Variants in SHISA9 observed in about 807,000 individuals in gnomAD.
SHISA9 encodes protein shisa-9.
SHISA9 carries 13 observed loss-of-function variants against 38.0 expected under a neutral mutation model. The ratio of observed to expected loss-of-function variants is 0.34; its 90% confidence interval spans 0.22 to 0.54. The LOEUF is 0.54. Ranked by LOEUF, SHISA9 falls within the 20% of genes least tolerant of loss-of-function variation. The pLI is 0.91. For missense variants in SHISA9, 538 were observed against 575.8 expected (o/e 0.93, Z 0.67); for synonymous variants, 275 against 242.0 (o/e 1.14, Z -1.27).
chr16:13,273,169 A>C, the SHISA9 span, among the ~76,000 whole-genome samples: 1 of 152,134 alleles, frequency 6.6e-6, no homozygotes, highest in African/African-American at 2.4e-5. Flanking sequence ...TTAAGGACCC[A>C]GTTTTCAACT....
intron 2 of SHISA9, among the ~76,000 whole-genome samples, chr16:13,048,552 G>A (rs1347441520): frequency 6.6e-6 from 1 of 152,128 alleles, no homozygotes; most frequent in African/African-American, 2.4e-5. Context: ...CTCCTGAGTA[G>A]CTGGGATTAT....
chr16:13,114,900 C>CTCCATCCATCCA (rs3075115), intron 2 of SHISA9, among the ~76,000 whole-genome samples: 3,057 of 149,768 alleles, frequency 0.02, 41 homozygotes, highest in East Asian at 0.035. Context: ...TTACATCTAA[C>CTCCATCCATCCA]TCCATCCATC....
chr16:13,375,758 G>A, the SHISA9 span, among the ~76,000 whole-genome samples: 5 of 152,160 alleles, frequency 3.3e-5, no homozygotes, highest in Admixed American at 6.5e-5. Context: ...ATCACTGAAA[G>A]CAACTAAAGA....
At chr16:13,187,979 C>T (rs773425267) in intron 2 of SHISA9, among the ~76,000 whole-genome samples, 4 of 152,138 alleles carry the variant, frequency 2.6e-5, no homozygotes, top group African/African-American at 4.8e-5. Context: ...CTGTAGATCA[C>T]GTTTCATCCT....
chr16:13,329,963 T>C, the SHISA9 span, among the ~76,000 whole-genome samples: 3,152 of 152,332 alleles, frequency 0.021, 89 homozygotes, highest in African/African-American at 0.072. Context: ...GCATTAATTA[T>C]ATTGTATTGT....
the SHISA9 span, among the ~76,000 whole-genome samples, chr16:13,516,445 C>T: frequency 3.3e-5 from 5 of 151,950 alleles, no homozygotes; most frequent in Admixed American, 1.3e-4. Flanking sequence ...TAATCAGGAC[C>T]GAAGAGAGTA....
chr16:12,971,281 A>G (rs12149094), intron 2 of SHISA9, among the ~76,000 whole-genome samples: 38,363 of 152,100 alleles, frequency 0.25, 5,622 homozygotes, highest in African/African-American at 0.4. Context: ...CCTGTTTCCT[A>G]GGGCTGTCTA....
intron 2 of SHISA9, 26 bp from the exon 3 acceptor site, chr16:13,203,368 A>G (rs1038182090): frequency 4.9e-5 from 74 of 1,501,500 alleles, no homozygotes; most frequent in African/African-American, 1.3e-4. Flanking sequence ...GTCTGTGACA[A>G]TCTCCTTCTG....
chr16:13,148,582 C>G (rs1194197318), intron 2 of SHISA9, among the ~76,000 whole-genome samples: 1 of 151,986 alleles, frequency 6.6e-6, no homozygotes, highest in Non-Finnish European at 1.5e-5. Context: ...ATATCTATAT[C>G]TATCATCTAT....
At chr16:13,317,267 G>A in the SHISA9 span, among the ~76,000 whole-genome samples, 3 of 152,166 alleles carry the variant, frequency 2.0e-5, no homozygotes, top group Non-Finnish European at 4.4e-5. Context: ...CTCCTTGTAA[G>A]AATCTGCATT....
At chr16:13,283,143 T>C in the SHISA9 span, among the ~76,000 whole-genome samples, 1 of 151,944 alleles carries the variant, frequency 6.6e-6, no homozygotes, top group African/African-American at 2.4e-5. Context: ...TTAATTCTTA[T>C]CTTAGAAGGC....
chr16:13,003,443 T>G (rs781047756), intron 2 of SHISA9, among the ~76,000 whole-genome samples: 1 of 152,184 alleles, frequency 6.6e-6, no homozygotes, highest in Non-Finnish European at 1.5e-5. Flanking sequence ...CTGCTGTATT[T>G]CCAAGAATTA....
intron 2 of SHISA9, among the ~76,000 whole-genome samples, chr16:12,985,245 A>C (rs200340717): frequency 1.7e-5 from 1 of 58,862 alleles, no homozygotes; most frequent in Non-Finnish European, 3.5e-5. Flanking sequence ...AAATAAGTAA[A>C]TAAATAAATA....
the SHISA9 span, among the ~76,000 whole-genome samples, chr16:13,509,782 C>G: frequency 2.6e-5 from 4 of 152,242 alleles, no homozygotes; most frequent in Admixed American, 2.6e-4. Context: ...TTACCGACTA[C>G]TTTTTAAGAT....
At chr16:13,029,418 C>G (rs772066654) in intron 2 of SHISA9, among the ~76,000 whole-genome samples, 1 of 152,148 alleles carries the variant, frequency 6.6e-6, no homozygotes, top group South Asian at 2.1e-4. Context: ...CTGGCCTGGG[C>G]AACACAGCAA....
chr16:13,552,043 C>G, the SHISA9 span, among the ~76,000 whole-genome samples: 11 of 152,090 alleles, frequency 7.2e-5, no homozygotes, highest in African/African-American at 2.7e-4. Context: ...AAAAAAAATA[C>G]AATTGGTAAA....
At chr16:12,958,689 C>T (rs971402543) in intron 2 of SHISA9, among the ~76,000 whole-genome samples, 23 of 152,052 alleles carry the variant, frequency 1.5e-4, no homozygotes, top group Non-Finnish European at 1.2e-4. Flanking sequence ...ATCTGTTGTT[C>T]CACAGTCACT....
the SHISA9 span, among the ~76,000 whole-genome samples, chr16:13,552,161 C>T: frequency 6.6e-6 from 1 of 152,102 alleles, no homozygotes. Context: ...GCAGGCTTCT[C>T]CAGAATGAGA....
intron 2 of SHISA9, among the ~76,000 whole-genome samples, chr16:13,117,101 T>C (rs1193007650): frequency 6.6e-6 from 1 of 152,062 alleles, no homozygotes; most frequent in African/African-American, 2.4e-5. Context: ...GCCTCCCGAG[T>C]AGCTGGGATT....
Sources: allele counts gnomAD v4.1 joint callset (sites outside exome capture counted in the v4.1 genomes callset), GRCh38; gene constraint gnomAD v4.1.1; transcripts MANE v1.5; gene names NCBI Gene and HGNC (gene_info 2026-07-23, HGNC 2026-07-21).